Variants in TSPAN11 observed in about 807,000 individuals in gnomAD.
The protein encoded by TSPAN11 is tetraspanin-11.
A neutral mutation model predicts 32.9 loss-of-function variants in TSPAN11; 29 were observed. That is an observed-to-expected ratio of 0.88 (90% CI 0.66 to 1.20). TSPAN11 has a LOEUF of 1.20. Ranked by LOEUF, TSPAN11 falls within the 50% of genes most tolerant of loss-of-function variation. The pLI is 0.00. For synonymous variants in TSPAN11, 140 were observed against 141.3 expected (o/e 0.99, Z 0.07); for missense variants, 283 against 329.1 (o/e 0.86, Z 1.08).
chr12:30,941,230 G>A (rs2140275071), intron 1 of TSPAN11, among the ~76,000 whole-genome samples: 1 of 152,332 alleles, frequency 6.6e-6, no homozygotes, highest in Admixed American at 6.5e-5. Flanking sequence ...CACATGCAAG[G>A]GTTCTGCGGG....
At chr12:30,980,260 T>C (rs1425380449) in intron 5 of TSPAN11, among the ~76,000 whole-genome samples, 2 of 152,182 alleles carry the variant, frequency 1.3e-5, no homozygotes, top group African/African-American at 4.8e-5. Flanking sequence ...GATGGGCAAA[T>C]GGACCTCAGA....
At chr12:30,956,142 A>G (rs1216948230) in intron 2 of TSPAN11, among the ~76,000 whole-genome samples, 1 of 152,216 alleles carries the variant, frequency 6.6e-6, no homozygotes, top group Non-Finnish European at 1.5e-5. Context: ...TCCTTAACCT[A>G]AAAAGGCATC....
chr12:30,951,178 G>T (rs1169290698), intron 1 of TSPAN11, among the ~76,000 whole-genome samples: 1 of 152,168 alleles, frequency 6.6e-6, no homozygotes, highest in African/African-American at 2.4e-5. Flanking sequence ...TTTCAAATGT[G>T]TGTGAAACAT....
chr12:30,961,745 T>G (rs1938617499), intron 2 of TSPAN11, among the ~76,000 whole-genome samples: 1 of 151,976 alleles, frequency 6.6e-6, no homozygotes, highest in Middle Eastern at 3.2e-3. Context: ...ATTTAAGAGA[T>G]GAAGAAGCTG....
At chr12:30,941,516 T>G (rs902832823) in intron 1 of TSPAN11, among the ~76,000 whole-genome samples, 2 of 152,168 alleles carry the variant, frequency 1.3e-5, no homozygotes, top group Non-Finnish European at 2.9e-5. Flanking sequence ...GTTTTATAGG[T>G]GAGAAGAACT....
At chr12:30,988,167 G>A (rs1939237490) in intron 7 of TSPAN11, among the ~76,000 whole-genome samples, 1 of 152,210 alleles carries the variant, frequency 6.6e-6, no homozygotes, top group South Asian at 2.1e-4. Context: ...ACCAGAGGCA[G>A]TTTCAGACCT....
In TSPAN11 at chr12:30,982,537, G is replaced by C; in HGVS notation, c.462G>C (p.Lys154Asn). 1 of 1,606,298 alleles carries C rather than the reference G, an allele frequency of 6.2e-7. No individual in the cohort carries two copies. The highest frequency in any genetic ancestry group is 8.5e-7 in the Non-Finnish European group (1 of 1,174,100). The change falls in exon 6 of 8, where the codon AAG (lysine) becomes AAC (asparagine). Residue 154 changes from lysine (K) to asparagine (N), a missense_variant. Physicochemically the swap from Lys to Asn is moderately conservative, Grantham distance 94. Transcript: ENST00000546076. Reference protein sequence around the residue: ...ASVDRLQQDFKCCGSNSSADW... With the variant: ...ASVDRLQQDFNCCGSNSSADW... ...GCCTCTGCCTCTGCCTCCAGTTCAA[G>C]TGCTGTGGAAGCAACAGCTCAGCCG...
chr12:30,927,512 CT>C (rs1331415264), intron 1 of TSPAN11, among the ~76,000 whole-genome samples: 1 of 151,892 alleles, frequency 6.6e-6, no homozygotes, highest in Non-Finnish European at 1.5e-5. Flanking sequence ...TAACTTGAGT[CT>C]AAGCTGCTGT....
chr12:30,960,991 A>G (rs1255447629), intron 2 of TSPAN11, among the ~76,000 whole-genome samples: 1 of 150,982 alleles, frequency 6.6e-6, no homozygotes, highest in African/African-American at 2.5e-5. Flanking sequence ...GTGAGCCAAG[A>G]TCGCACCACT....
At position 30,953,984 on chromosome 12, in the gene TSPAN11, C is replaced by G. The variant is rs1215639480; in HGVS notation, c.-8C>G. ...AGCATATGTGTCTTCTCTGCAGGCC[C>G]AGAAGCCATGGCCCACTATAAGACT... is the stretch of plus-strand genomic sequence containing the variant. On this transcript the variant is annotated 5_prime_UTR_variant, in exon 2 of 8. Transcript: ENST00000546076. 3.1e-6 allele frequency: 5 copies of G among 1,612,400 alleles called. No homozygotes were observed. The highest frequency in any genetic ancestry group is 8.5e-7 in the Non-Finnish European group (1 of 1,179,290).
At chr12:30,937,642 C>CCTGCCCTTT (rs2140272531) in intron 1 of TSPAN11, among the ~76,000 whole-genome samples, 1 of 152,304 alleles carries the variant, frequency 6.6e-6, no homozygotes, top group African/African-American at 2.4e-5. Context: ...GAGCCAGGTT[C>CCTGCCCTTT]CTGCCCTTTT....
At chr12:30,984,705 CCCA>C (rs1939167081) in intron 7 of TSPAN11, among the ~76,000 whole-genome samples, 1 of 151,900 alleles carries the variant, frequency 6.6e-6, no homozygotes, top group Admixed American at 6.6e-5. Flanking sequence ...ATTACAGGTG[CCCA>C]CCACCACGCC....
chr12:30,945,106 C>T (rs1413572159), intron 1 of TSPAN11, among the ~76,000 whole-genome samples: 3 of 152,084 alleles, frequency 2.0e-5, no homozygotes, highest in African/African-American at 7.2e-5. Flanking sequence ...CTGGGCAGCC[C>T]CTCCTCCTTT....
chr12:30,950,398 C>A (rs188808260), intron 1 of TSPAN11, among the ~76,000 whole-genome samples: 1 of 152,146 alleles, frequency 6.6e-6, no homozygotes, highest in East Asian at 1.9e-4. Context: ...GACAATAGTA[C>A]GTGAATAATA....
At chr12:30,944,373 C>T (rs1938226054) in intron 1 of TSPAN11, among the ~76,000 whole-genome samples, 1 of 152,176 alleles carries the variant, frequency 6.6e-6, no homozygotes, top group Non-Finnish European at 1.5e-5. Flanking sequence ...TGACCATCAT[C>T]TCCCTAATCC....
chr12:30,992,151 G>A lies in TSPAN11; in HGVS notation c.*236G>A, dbSNP rs536966956. On this transcript the variant is annotated 3_prime_UTR_variant, in exon 8 of 8. Transcript: ENST00000546076. ...CCCCCATGGCCAGATCCTGGGCAGG[G>A]AAATGATCCTTTCAGGAGACAACCA... 1.0e-3 allele frequency: 605 copies of A among 588,408 alleles called. 1 individual carries two copies. In the Middle Eastern group the frequency reaches 0.013, roughly 12 times the overall value. 36.4% of individuals were successfully genotyped at this position (588,408 alleles called of 1,614,324 possible). A position where few individuals can be genotyped will look rare whatever the true frequency, so the allele number is the denominator to read the frequency against.
chr12:30,971,780 A>G (rs1163102658), intron 3 of TSPAN11, among the ~76,000 whole-genome samples: 1 of 151,810 alleles, frequency 6.6e-6, no homozygotes, highest in Non-Finnish European at 1.5e-5. Context: ...AGGACTCAAT[A>G]TCTAATTACT....
intron 3 of TSPAN11, among the ~76,000 whole-genome samples, chr12:30,966,630 G>T (rs1443818824): frequency 6.6e-6 from 1 of 152,232 alleles, no homozygotes; most frequent in Non-Finnish European, 1.5e-5. Context: ...CTGCTTCCCT[G>T]GGGAGGAGGA....
chr12:30,949,295 C>T (rs1435434893), intron 1 of TSPAN11, among the ~76,000 whole-genome samples: 1 of 152,184 alleles, frequency 6.6e-6, no homozygotes, highest in Non-Finnish European at 1.5e-5. Flanking sequence ...CAACATCCCA[C>T]TCTACTGGTA....
Sources: gnomAD v4.1 joint callset for allele counts (sites outside exome capture counted in the v4.1 genomes callset) on GRCh38, gnomAD v4.1.1 for gene constraint, MANE v1.5 for transcripts, NCBI Gene and HGNC (gene_info 2026-07-23, HGNC 2026-07-21) for gene names.